The following OR52K1 variants were observed in gnomAD, a reference collection of about 807,000 sequenced individuals.
OR52K1 encodes the protein olfactory receptor family 52 subfamily K member 1, also known as olfactory receptor 52K1.
A neutral mutation model predicts 8.7 loss-of-function variants in OR52K1; 10 were observed. The observed-to-expected ratio is 1.15, with a 90% CI of 0.71 to 1.95. The LOEUF (loss-of-function observed/expected upper bound fraction) is 1.95. Among genes scored for constraint, OR52K1 ranks in the 30% most tolerant of loss-of-function variants. OR52K1 has a pLI of 0.00. For synonymous variants in OR52K1, 203 were observed against 148.5 expected (o/e 1.37, Z -2.67); for missense variants, 431 against 397.2 (o/e 1.08, Z -0.72).
At chr11:4,485,464 G>A (rs556175247) in intron 1 of OR52K1, among the ~76,000 whole-genome samples, 18 of 152,040 alleles carry the variant, frequency 1.2e-4, no homozygotes, top group African/African-American at 1.7e-4. Flanking sequence ...TGCTTTCCCC[G>A]TCTCAGTTGG....
At chr11:4,486,681 T>C (rs1420589851) in intron 1 of OR52K1, among the ~76,000 whole-genome samples, 1 of 152,240 alleles carries the variant, frequency 6.6e-6, no homozygotes, top group East Asian at 1.9e-4. Context: ...AATCATGATG[T>C]CCTTTTATTA....
At chr11:4,484,953 T>G (rs1230927060) in intron 1 of OR52K1, among the ~76,000 whole-genome samples, 1 of 152,204 alleles carries the variant, frequency 6.6e-6, no homozygotes, top group Non-Finnish European at 1.5e-5. Flanking sequence ...GTTAGCCATG[T>G]TAACAAACTT....
In OR52K1 at chr11:4,489,215, C is replaced by G; in HGVS notation, c.315C>G (p.Phe105Leu). Residue 105 changes from phenylalanine (F) to leucine (L), a missense_variant, in exon 2 of 2, where the codon TTC becomes TTG. Phe to Leu is a conservative substitution (Grantham distance 22). Transcript: ENST00000641528. ...NFFACLVQMF[F>L]LHSFSIMESA... The stretch of plus-strand genomic sequence containing the variant: ...TTGCCTGTCTGGTCCAGATGTTCTT[C>G]CTTCACTCCTTCTCCATCATGGAGT... 1 of 1,614,244 alleles carries G rather than the reference C, an allele frequency of 6.2e-7. No individual in the cohort carries two copies. The highest frequency in any genetic ancestry group is 8.5e-7 in the Non-Finnish European group (1 of 1,180,046).
rs74054033 is a variant in OR52K1, at chr11:4,489,908, G to A, written c.*63G>A. 4,897 of 1,197,536 alleles carry A rather than the reference G, an allele frequency of 4.1e-3. 141 individuals are homozygous for A. In the African/African-American group the frequency reaches 0.065, roughly 16 times the overall value. The allele number at this position is 1,197,536 out of a possible 1,614,324, so 74.2% of individuals were successfully genotyped here. A position where few individuals can be genotyped will look rare whatever the true frequency, so the allele number is the denominator to read the frequency against. On this transcript the variant is annotated 3_prime_UTR_variant, in exon 2 of 2. Transcript: ENST00000641528. The stretch of plus-strand genomic sequence containing the variant: ...ATGAGAATGCTGGATTGGGGTTGAG[G>A]GGAAAAATCTAAATAGGAAAATTGC...
rs750038852 is a variant in OR52K1 at position 4,489,508 on chromosome 11, C to T, written c.608C>T (p.Ala203Val). ...AGCTTCAACAATATCTATGGCATTG[C>T]TGTGGCCATGTTTATTGTGGTGTTG... Reference protein sequence around the residue: ...DTSFNNIYGIAVAMFIVVLDL... With the variant: ...DTSFNNIYGIVVAMFIVVLDL... The change falls in exon 2 of 2, where the codon GCT (alanine) becomes GTT (valine). Residue 203 changes from alanine (A) to valine (V), a missense_variant. Coordinates refer to ENST00000641528, the MANE Select transcript of OR52K1 (RefSeq NM_001005171.3). 5 of 1,614,226 alleles carry T rather than the reference C, an allele frequency of 3.1e-6. No individual in the cohort carries two copies. In the South Asian group the frequency reaches 5.5e-5, roughly 18 times the overall value.
intron 1 of OR52K1, among the ~76,000 whole-genome samples, chr11:4,486,055 C>A (rs1846318612): frequency 6.6e-6 from 1 of 152,170 alleles, no homozygotes; most frequent in Non-Finnish European, 1.5e-5. Flanking sequence ...CATGTCCTGT[C>A]ATCTCCCCTT....
rs1202463757 is a variant in OR52K1 at position 4,492,244 on chromosome 11, G to A, written c.*2399G>A. ...AGTCCACCCACAATGAGTAAGAAGTGTAAATGAGAAATTGTGTTTGAGCTG... is the reference window on the plus strand; with the variant it reads ...AGTCCACCCACAATGAGTAAGAAGTATAAATGAGAAATTGTGTTTGAGCTG... On this transcript the variant is annotated 3_prime_UTR_variant, in exon 2 of 2. Coordinates refer to ENST00000641528, the MANE Select transcript of OR52K1 (RefSeq NM_001005171.3). 1 of 151,662 alleles carries A rather than the reference G, an allele frequency of 6.6e-6. No individual in the cohort carries two copies. Among genetic ancestry groups the A allele is most frequent in the Non-Finnish European group, 1.5e-5 (1 of 67,942 alleles). 9.4% of individuals were successfully genotyped at this position (151,662 alleles called of 1,614,324 possible). A position where few individuals can be genotyped will look rare whatever the true frequency, so the allele number is the denominator to read the frequency against.
chr11:4,491,404 C>T lies in OR52K1; in HGVS notation c.*1559C>T, dbSNP rs1006746802. On this transcript the variant is annotated 3_prime_UTR_variant, in exon 2 of 2. Transcript: ENST00000641528. ...CCTCAAAGACCTAAAAACAGAAATA[C>T]CATTTGACTGAGTGATCCTTTAGTG... 13 of 152,192 alleles carry T rather than the reference C, an allele frequency of 8.5e-5. No individual in the cohort carries two copies. The highest frequency in any genetic ancestry group is 2.0e-4 in the Admixed American group (3 of 15,290). 9.4% of individuals were successfully genotyped at this position (152,192 alleles called of 1,614,324 possible).
chr11:4,486,336 A>T (rs1720070562), intron 1 of OR52K1, among the ~76,000 whole-genome samples: 1 of 152,276 alleles, frequency 6.6e-6, no homozygotes, highest in Middle Eastern at 3.4e-3. Context: ...TTCCTTCTCT[A>T]TGGTTCTTCA....
At chr11:4,486,078 ATTG>A in intron 1 of OR52K1, among the ~76,000 whole-genome samples, 1 of 152,040 alleles carries the variant, frequency 6.6e-6, no homozygotes, top group East Asian at 1.9e-4. Flanking sequence ...TGTTGTAGGC[ATTG>A]TTGTGGGAAC....
rs1846360784 is a variant in OR52K1 at position 4,490,030 on chromosome 11, C to G, written c.*185C>G. ...GTCAAACCAGGAGTGCACCTATAGT[C>G]TGGTCTGATAGTAGAGGTTTGACCT... On this transcript the variant is annotated 3_prime_UTR_variant, in exon 2 of 2. Coordinates refer to ENST00000641528, the MANE Select transcript of OR52K1 (RefSeq NM_001005171.3). 1.7e-6 allele frequency: 1 copy of G among 594,560 alleles called. No individual in the cohort carries two copies. The highest frequency in any genetic ancestry group is 4.3e-4 in the Middle Eastern group (1 of 2,324). The allele number at this position is 594,560 out of a possible 1,614,324, so 36.8% of individuals were successfully genotyped here. A position where few individuals can be genotyped will look rare whatever the true frequency, so the allele number is the denominator to read the frequency against.
chr11:4,488,590 A>G lies in OR52K1; in HGVS notation c.-311A>G. On this transcript the variant is annotated 5_prime_UTR_variant, in exon 2 of 2. Coordinates refer to ENST00000641528, the MANE Select transcript of OR52K1 (RefSeq NM_001005171.3). Reference sequence around the variant, plus strand: ...TTTTCAAGGTATTCATGACATCACCAAGAACACAGAAAACACTACATATAC... The same window carrying G: ...TTTTCAAGGTATTCATGACATCACCGAGAACACAGAAAACACTACATATAC... 3.6e-6 allele frequency: 1 copy of G among 276,040 alleles called. No individual in the cohort carries two copies. Among genetic ancestry groups the G allele is most frequent in the East Asian group, 7.7e-5 (1 of 12,956 alleles). The allele number at this position is 276,040 out of a possible 1,614,324, so 17.1% of individuals were successfully genotyped here.
rs765984868 is a variant in OR52K1, at chr11:4,488,879, G to A, written c.-22G>A. 7 of 1,572,100 alleles carry A rather than the reference G, an allele frequency of 4.5e-6. No homozygotes were observed. The South Asian group carries it at 6.8e-5, about 15-fold the overall frequency. On this transcript the variant is annotated 5_prime_UTR_variant, in exon 2 of 2. Coordinates refer to ENST00000641528, the MANE Select transcript of OR52K1 (RefSeq NM_001005171.3). ...AAGGTGAAGAAGCCCTGTAAAAATT[G>A]ACAAGGAGATTTCCAGGAGCCATGC... is the stretch of plus-strand genomic sequence containing the variant.
At chr11:4,487,408 A>G (rs1185696803) in intron 1 of OR52K1, among the ~76,000 whole-genome samples, 1 of 152,212 alleles carries the variant, frequency 6.6e-6, no homozygotes, top group African/African-American at 2.4e-5. Context: ...CAGAGAAGGA[A>G]ACAAACTAGT....
chr11:4,492,492 T>C lies in OR52K1; in HGVS notation c.*2647T>C, dbSNP rs1342993907. 6.6e-6 allele frequency: 1 copy of C among 152,182 alleles called. No individual in the cohort carries two copies. Among genetic ancestry groups the C allele is most frequent in the Admixed American group, 6.5e-5 (1 of 15,272 alleles). 9.4% of individuals were successfully genotyped at this position (152,182 alleles called of 1,614,324 possible). On this transcript the variant is annotated 3_prime_UTR_variant, in exon 2 of 2. Transcript: ENST00000641528. ...TGTTTTTGTAGTGAACCACTGAAATTTGGGAGTTGTTTGTTTCACAGCCTT... is the reference window on the plus strand; with the variant it reads ...TGTTTTTGTAGTGAACCACTGAAATCTGGGAGTTGTTTGTTTCACAGCCTT...
chr11:4,487,681 T>C (rs1846331654), intron 1 of OR52K1, among the ~76,000 whole-genome samples: 1 of 152,218 alleles, frequency 6.6e-6, no homozygotes, highest in Admixed American at 6.5e-5. Flanking sequence ...AATTATTATA[T>C]TTCCCAACAG....
rs776811346 is a variant in OR52K1, at chr11:4,489,479, C to T, written c.579C>T (p.Asp193=). 6.2e-7 allele frequency: 1 copy of T among 1,614,198 alleles called. No individual in the cohort carries two copies. Among genetic ancestry groups the T allele is most frequent in the South Asian group, 1.1e-5 (1 of 91,086 alleles). The change falls in exon 2 of 2, where the codon GAC becomes GAT. Residue 193 remains aspartate, a synonymous_variant. Coordinates refer to ENST00000641528, the MANE Select transcript of OR52K1 (RefSeq NM_001005171.3). Reference sequence around the variant, plus strand: ...CTGTGGTAAGGCTGGCGTGTGGGGACACTAGCTTCAACAATATCTATGGCA... The same window carrying T: ...CTGTGGTAAGGCTGGCGTGTGGGGATACTAGCTTCAACAATATCTATGGCA... ...HMAVVRLACG[D]TSFNNIYGIA... is the part of the protein sequence containing the mutation.
In OR52K1 at chr11:4,488,870, G is replaced by A. The variant is rs1846341540; in HGVS notation, c.-31G>A. 5.9e-6 allele frequency: 9 copies of A among 1,528,854 alleles called. No homozygotes were observed. The East Asian group carries it at 1.8e-4, about 30-fold the overall frequency. The allele number at this position is 1,528,854 out of a possible 1,614,324, so 94.7% of individuals were successfully genotyped here. On this transcript the variant is annotated 5_prime_UTR_variant, in exon 2 of 2. Coordinates refer to ENST00000641528, the MANE Select transcript of OR52K1 (RefSeq NM_001005171.3). ...TATATATAGAAGGTGAAGAAGCCCT[G>A]TAAAAATTGACAAGGAGATTTCCAG...
rs769176528 is a variant in OR52K1, at chr11:4,490,076, C to T, written c.*231C>T. The T allele has an allele frequency of 5.1e-5, 26 of 505,496 alleles. No individual in the cohort carries two copies. The highest frequency in any genetic ancestry group is 8.8e-5 in the Non-Finnish European group (25 of 284,772). 31.3% of individuals were successfully genotyped at this position (505,496 alleles called of 1,614,324 possible). A position where few individuals can be genotyped will look rare whatever the true frequency, so the allele number is the denominator to read the frequency against. ...GACCTTCCCATTGTCATAGACTCATCACATGGCTAAGGAAGACAAACCTCT... is the reference window on the plus strand; with the variant it reads ...GACCTTCCCATTGTCATAGACTCATTACATGGCTAAGGAAGACAAACCTCT... On this transcript the variant is annotated 3_prime_UTR_variant, in exon 2 of 2. Coordinates refer to ENST00000641528, the MANE Select transcript of OR52K1 (RefSeq NM_001005171.3).
Sources: allele counts gnomAD v4.1 joint callset (sites outside exome capture counted in the v4.1 genomes callset), GRCh38; gene constraint gnomAD v4.1.1; transcripts MANE v1.5; gene names NCBI Gene and HGNC (gene_info 2026-07-23, HGNC 2026-07-21).